The following SNTG1 variants were observed in gnomAD, a reference collection of about 807,000 sequenced individuals.
SNTG1 encodes the protein gamma-1-syntrophin.
SNTG1 carries 39 observed loss-of-function variants against 74.7 expected under a neutral mutation model. The ratio of observed to expected loss-of-function variants is 0.52; its 90% CI spans 0.40 to 0.68. The LOEUF is 0.68. Among genes scored for constraint, SNTG1 ranks in the 30% least tolerant of loss-of-function variants. The pLI is 0.00. For synonymous variants in SNTG1, 254 were observed against 217.1 expected (o/e 1.17, Z -1.49); for missense variants, 685 against 609.5 (o/e 1.12, Z -1.30).
At chr8:50,082,172 C>T (rs1822471337) in intron 1 of SNTG1, among the ~76,000 whole-genome samples, 1 of 151,912 alleles carries the variant, frequency 6.6e-6, no homozygotes, top group Non-Finnish European at 1.5e-5. Flanking sequence ...ATTGTACTTT[C>T]CATTAATTAT....
chr8:49,936,638 C>T (rs1390948844), intron 1 of SNTG1, among the ~76,000 whole-genome samples: 4 of 152,134 alleles, frequency 2.6e-5, no homozygotes, highest in Admixed American at 2.6e-4. Context: ...ATGTAAAATT[C>T]TTCCTGCCAC....
At chr8:50,148,056 A>G (rs201614779) in intron 1 of SNTG1, among the ~76,000 whole-genome samples, 4 of 152,188 alleles carry the variant, frequency 2.6e-5, no homozygotes, top group Non-Finnish European at 5.9e-5. Flanking sequence ...AGAACTCACA[A>G]CAGCCAAAGT....
At chr8:50,030,365 A>AT (rs1356386064) in intron 1 of SNTG1, among the ~76,000 whole-genome samples, 2 of 151,934 alleles carry the variant, frequency 1.3e-5, no homozygotes, top group African/African-American at 4.8e-5. Context: ...CTATTTGTCC[A>AT]TTTTTGCCTT....
rs1316398678 is a variant in SNTG1, at chr8:50,677,192, G to A, written c.1038+18529G>A. On this transcript the variant is annotated intron_variant, in intron 15 of 18. Transcript: ENST00000642720. ...TATACTGAAAATAAGCACTGGAAAAGCATAGCTGTTTTAAATCCTAACATT... is the reference window on the plus strand; with the variant it reads ...TATACTGAAAATAAGCACTGGAAAAACATAGCTGTTTTAAATCCTAACATT... 2.0e-5 allele frequency among the ~76,000 whole-genome samples: 3 copies of A among 152,014 alleles called. No homozygotes were observed. In the East Asian group the frequency reaches 5.8e-4, roughly 29 times the overall value.
chr8:50,598,774 A>G (rs1252070058), intron 13 of SNTG1, among the ~76,000 whole-genome samples: 1 of 151,898 alleles, frequency 6.6e-6, no homozygotes, highest in African/African-American at 2.4e-5. Flanking sequence ...TATAGTTTTT[A>G]TTATAGAGAT....
At chr8:50,439,764 A>G (rs1278562611) in intron 5 of SNTG1, among the ~76,000 whole-genome samples, 2 of 147,688 alleles carry the variant, frequency 1.4e-5, no homozygotes, top group Non-Finnish European at 3.0e-5. Flanking sequence ...ATTGCTGTAA[A>G]GAATTTAAAA....
chr8:50,163,523 T>A (rs1586548638), intron 1 of SNTG1: 1 of 148,108 alleles, frequency 6.8e-6, no homozygotes, highest in African/African-American at 2.6e-5. Context: ...TGGCGCCAGG[T>A]GGGAGTGCAG....
At chr8:49,942,268 A>G (rs1808765464) in intron 1 of SNTG1, among the ~76,000 whole-genome samples, 1 of 152,234 alleles carries the variant, frequency 6.6e-6, no homozygotes, top group Non-Finnish European at 1.5e-5. Flanking sequence ...TCATTTGCAT[A>G]TCACTTTCCA....
chr8:50,740,363 GAAAA>G (rs58639766), intron 17 of SNTG1, among the ~76,000 whole-genome samples: 1 of 139,078 alleles, frequency 7.2e-6, no homozygotes, highest in African/African-American at 2.5e-5. Flanking sequence ...AAAAACATAT[GAAAA>G]AAAAAAAAAC....
At chr8:50,517,527 T>C (rs1361623708) in intron 9 of SNTG1, among the ~76,000 whole-genome samples, 1 of 149,962 alleles carries the variant, frequency 6.7e-6, no homozygotes, top group Non-Finnish European at 1.5e-5. Context: ...ACCACTGGTG[T>C]GCTGTATTCA....
chr8:50,308,292 G>A (rs1351031833), intron 2 of SNTG1, among the ~76,000 whole-genome samples: 1 of 151,852 alleles, frequency 6.6e-6, no homozygotes, highest in Non-Finnish European at 1.5e-5. Context: ...TCCTATTAGT[G>A]GGATTAGTTT....
intron 13 of SNTG1, among the ~76,000 whole-genome samples, chr8:50,626,511 A>G (rs1218299086): frequency 6.6e-6 from 1 of 152,220 alleles, no homozygotes; most frequent in Non-Finnish European, 1.5e-5. Flanking sequence ...TGACTCACAT[A>G]TTTATTGACA....
intron 17 of SNTG1, among the ~76,000 whole-genome samples, chr8:50,710,434 A>T (rs2095458410): frequency 6.6e-6 from 1 of 152,174 alleles, no homozygotes; most frequent in African/African-American, 2.4e-5. Context: ...AATGAGTAAT[A>T]AGTTAATTTT....
chr8:50,211,587 G>T (rs1236348754), intron 2 of SNTG1, among the ~76,000 whole-genome samples: 1 of 152,044 alleles, frequency 6.6e-6, no homozygotes, highest in African/African-American at 2.4e-5. Context: ...ACATGGATTT[G>T]ATTCAGAACT....
intron 13 of SNTG1, among the ~76,000 whole-genome samples, chr8:50,641,297 A>T (rs1329065847): frequency 6.6e-6 from 1 of 152,116 alleles, no homozygotes; most frequent in African/African-American, 2.4e-5. Context: ...CCCATTCTCA[A>T]AAGATAATTC....
At chr8:50,003,399 T>A (rs1018850727) in intron 1 of SNTG1, among the ~76,000 whole-genome samples, 2 of 152,188 alleles carry the variant, frequency 1.3e-5, no homozygotes, top group Admixed American at 1.3e-4. Flanking sequence ...AGTGGTCTTA[T>A]GTGAAAAACA....
chr8:50,262,860 C>T (rs774802077), intron 2 of SNTG1, among the ~76,000 whole-genome samples: 1 of 152,120 alleles, frequency 6.6e-6, no homozygotes, highest in African/African-American at 2.4e-5. Context: ...TACAATGCTA[C>T]TCCAAATATA....
In SNTG1 at chr8:50,421,055, G is replaced by C. The variant is rs1191795989; in HGVS notation, c.163-17488G>C. Among the ~76,000 whole-genome samples, 23 of 122,954 alleles carry C rather than the reference G, an allele frequency of 1.9e-4. 2 individuals are homozygous for C. The highest frequency in any genetic ancestry group is 1.7e-3 in the East Asian group (6 of 3,486). 80.7% of individuals were successfully genotyped at this position (122,954 alleles called of 152,430 possible). ...AAAAAAAGGCGGTGGGCGGGGGAGG[G>C]GGGGGCGAAGATAAAGGGACATTTA... On this transcript the variant is annotated intron_variant, in intron 4 of 18. Coordinates refer to ENST00000642720, the MANE Select transcript of SNTG1 (RefSeq NM_018967.5).
chr8:50,711,750 T>A (rs1258598109), intron 17 of SNTG1, among the ~76,000 whole-genome samples: 1 of 151,542 alleles, frequency 6.6e-6, no homozygotes. Context: ...TCCCTATACT[T>A]ACATTTACAT....
Sources: allele counts gnomAD v4.1 joint callset (sites outside exome capture counted in the v4.1 genomes callset), GRCh38; gene constraint gnomAD v4.1.1; transcripts MANE v1.5; gene names NCBI Gene and HGNC (gene_info 2026-07-23, HGNC 2026-07-21).